CSNK2A2: variants seen among roughly 807,000 people sequenced by gnomAD.
CSNK2A2 encodes casein kinase 2 alpha 2.
A neutral mutation model predicts 54.0 loss-of-function variants in CSNK2A2; 8 were observed. The ratio of observed to expected loss-of-function variants is 0.15; its 90% confidence interval spans 0.09 to 0.27. CSNK2A2 has a LOEUF of 0.27. CSNK2A2 is among the 10% of genes least tolerant of loss of function. The pLI is 1.00. For missense variants in CSNK2A2, 242 were observed against 439.4 expected, an observed-to-expected ratio of 0.55 and a Z score of 4.02; for synonymous variants, 141 against 153.9, an observed-to-expected ratio of 0.92 and a Z score of 0.62.
intron 2 of CSNK2A2, among the ~76,000 whole-genome samples, chr16:58,189,570 T>C (rs1597124421): frequency 6.6e-6 from 1 of 152,210 alleles, no homozygotes; most frequent in East Asian, 1.9e-4. Context: ...CCAGTTAAGA[T>C]GAACCTCCCT....
chr16:58,171,975 ATATATTT>A (rs1193497581), intron 5 of CSNK2A2, among the ~76,000 whole-genome samples: 11 of 36,160 alleles, frequency 3.0e-4, no homozygotes, highest in East Asian at 1.2e-3. Flanking sequence ...ATATATATAT[ATATATTT>A]TTTTTTTTTT....
chr16:58,192,427 C>T (rs1962340756), intron 2 of CSNK2A2, among the ~76,000 whole-genome samples: 1 of 149,276 alleles, frequency 6.7e-6, no homozygotes, highest in Non-Finnish European at 1.5e-5. Flanking sequence ...CATGCTGAGA[C>T]TTGGAGGAAC....
intron 4 of CSNK2A2, among the ~76,000 whole-genome samples, chr16:58,179,502 A>G (rs1961970618): frequency 1.4e-5 from 1 of 72,386 alleles, no homozygotes; most frequent in Non-Finnish European, 2.6e-5. Context: ...CTCTGTCTCA[A>G]AAAAAAAAAA....
At chr16:58,176,779 T>A (rs1179214012) in intron 4 of CSNK2A2, among the ~76,000 whole-genome samples, 1 of 152,216 alleles carries the variant, frequency 6.6e-6, no homozygotes, top group East Asian at 1.9e-4. Context: ...CTCTCCAATG[T>A]GGCTGTGCAC....
In CSNK2A2 at chr16:58,185,693, T is replaced by C. The variant is rs938803057; in HGVS notation, c.318+1062A>G. 2.0e-5 allele frequency among the ~76,000 whole-genome samples: 3 copies of C among 152,328 alleles called. 1 individual carries two copies. The South Asian group carries it at 6.2e-4, about 32-fold the overall frequency. ...AAGGACAGGATATCTTAAAGGCCAA[T>C]TAGTTACAATCTGGCATACAACCAT... On this transcript the variant is annotated intron_variant, in intron 3 of 11. Coordinates refer to ENST00000262506, the MANE Select transcript of CSNK2A2 (RefSeq NM_001896.4).
chr16:58,172,301 CCT>C (rs759704580), intron 5 of CSNK2A2, among the ~76,000 whole-genome samples: 14 of 151,836 alleles, frequency 9.2e-5, no homozygotes, highest in Non-Finnish European at 2.1e-4. Context: ...CAATTTTTTC[CCT>C]CTGTTTTATA....
intron 11 of CSNK2A2, chr16:58,161,621 T>G (rs969661904): frequency 6.6e-6 from 1 of 151,176 alleles, no homozygotes; most frequent in Non-Finnish European, 1.5e-5. Context: ...TCTCCGAATC[T>G]AGGTAAATAG....
rs773847740 is a variant in CSNK2A2, at chr16:58,164,041, A to G, written c.*17+13T>C. Reference sequence around the variant, plus strand: ...TTGGTTGGTTTTATTGGCAAGCATCAATGCCGCATTACCCGTCGCTTTCCA... The same window carrying G: ...TTGGTTGGTTTTATTGGCAAGCATCGATGCCGCATTACCCGTCGCTTTCCA... On this transcript the variant is annotated intron_variant, in intron 11 of 11. Transcript: ENST00000262506. The G allele has an allele frequency of 3.1e-6, 5 of 1,597,078 alleles. No individual in the cohort carries two copies. Among genetic ancestry groups the G allele is most frequent in the Non-Finnish European group, 4.3e-6 (5 of 1,167,140 alleles).
chr16:58,170,113 A>G (rs530376081), intron 5 of CSNK2A2, among the ~76,000 whole-genome samples: 1 of 152,280 alleles, frequency 6.6e-6, no homozygotes, highest in African/African-American at 2.4e-5. Flanking sequence ...TGATATGCAG[A>G]TAAGATTTTA....
intron 4 of CSNK2A2, among the ~76,000 whole-genome samples, chr16:58,175,815 C>T (rs1006343518): frequency 6.6e-6 from 1 of 152,144 alleles, no homozygotes; most frequent in Non-Finnish European, 1.5e-5. Flanking sequence ...TATTTGATTT[C>T]ATCAACCTCA....
chr16:58,197,552 C>A lies in CSNK2A2; in HGVS notation c.104+81G>T. 1.1e-6 allele frequency: 1 copy of A among 918,600 alleles called. No homozygotes were observed. The highest frequency in any genetic ancestry group is 1.6e-6 in the Non-Finnish European group (1 of 631,742). The allele number at this position is 918,600 out of a possible 1,614,324, so 56.9% of individuals were successfully genotyped here. A position where few individuals can be genotyped will look rare whatever the true frequency, so the allele number is the denominator to read the frequency against. ...CGGAGGGGTCGGCGGGAGACACCAC[C>A]GGGCCCGAGTGCGGTTCGCAGGGGG... On this transcript the variant is annotated intron_variant, in intron 1 of 11. Coordinates refer to ENST00000262506, the MANE Select transcript of CSNK2A2 (RefSeq NM_001896.4). The surrounding 1 kb of genome is among the most constrained non-coding windows in gnomAD (Gnocchi z 4.0).
intron 4 of CSNK2A2, among the ~76,000 whole-genome samples, chr16:58,176,533 G>C (rs1415372090): frequency 1.3e-5 from 2 of 152,144 alleles, no homozygotes. Flanking sequence ...TTAACCGCCT[G>C]GGCCCAAAAT....
chr16:58,185,559 C>A (rs1962170099), intron 3 of CSNK2A2, among the ~76,000 whole-genome samples: 1 of 152,152 alleles, frequency 6.6e-6, no homozygotes, highest in South Asian at 2.1e-4. Flanking sequence ...TTCTGAAATT[C>A]ATATTTTTAC....
rs187057278 is a variant in CSNK2A2, at chr16:58,169,534, G to T, written c.430-841C>A. ...AAGAAAGGCGGGCAGTGGGGAGGGG[G>T]GTGTGTGTGTGGGATGATAAACCAG... On this transcript the variant is annotated intron_variant, in intron 5 of 11. Transcript: ENST00000262506. 1.1e-3 allele frequency among the ~76,000 whole-genome samples: 162 copies of T among 151,354 alleles called. 1 individual carries two copies. The highest frequency in any genetic ancestry group is 3.7e-3 in the African/African-American group (151 of 41,258).
intron 4 of CSNK2A2, among the ~76,000 whole-genome samples, chr16:58,183,017 GCTTA>G (rs1962098715): frequency 6.6e-6 from 1 of 151,956 alleles, no homozygotes; most frequent in South Asian, 2.1e-4. Context: ...ATCTTCTTTT[GCTTA>G]CTTTTCACTA....
chr16:58,165,473 A>G, intron 10 of CSNK2A2, 87 bp downstream of exon 10: 1 of 1,365,990 alleles, frequency 7.3e-7, no homozygotes. Flanking sequence ...ATACCCTAGA[A>G]TTCTCCTGAC....
chr16:58,188,684 A>C (rs1021147036), intron 2 of CSNK2A2, among the ~76,000 whole-genome samples: 1 of 152,236 alleles, frequency 6.6e-6, no homozygotes, highest in Non-Finnish European at 1.5e-5. Context: ...TTGTAGGGTT[A>C]TGTAAGAAAC....
chr16:58,194,709 T>G (rs945981946), intron 2 of CSNK2A2, among the ~76,000 whole-genome samples: 3 of 152,218 alleles, frequency 2.0e-5, no homozygotes. Flanking sequence ...TCATTCAACA[T>G]AATGACATTA....
intron 9 of CSNK2A2, among the ~76,000 whole-genome samples, chr16:58,166,014 G>T (rs1961551493): frequency 6.6e-6 from 1 of 152,122 alleles, no homozygotes; most frequent in African/African-American, 2.4e-5. Context: ...CAGAAGAGTG[G>T]GCAATTTTTA....
Sources: gnomAD v4.1 joint callset for allele counts (sites outside exome capture counted in the v4.1 genomes callset) on GRCh38, gnomAD v4.1.1 for gene constraint, Gnocchi (gnomAD v3.1) non-coding constraint, MANE v1.5 for transcripts, NCBI Gene and HGNC (gene_info 2026-07-23, HGNC 2026-07-21) for gene names.